The following ALG14 variants were observed in gnomAD, a reference collection of about 807,000 sequenced individuals.
ALG14 encodes ALG14 UDP-N-acetylglucosaminyltransferase subunit.
ALG14 carries 17 observed loss-of-function variants against 22.8 expected under a neutral mutation model. The observed-to-expected ratio is 0.75, with a 90% confidence interval of 0.51 to 1.12. The LOEUF is 1.12. ALG14 is among the 50% of genes most tolerant of loss of function. The pLI is 0.00. For synonymous variants in ALG14, 89 were observed against 103.7 expected (o/e 0.86, Z 0.86); for missense variants, 288 against 271.8 (o/e 1.06, Z -0.42).
intron 1 of ALG14, among the ~76,000 whole-genome samples, chr1:95,068,165 T>C (rs1675439436): frequency 6.6e-6 from 1 of 152,230 alleles, no homozygotes; most frequent in African/African-American, 2.4e-5. Flanking sequence ...CTCCTATTCC[T>C]AGAAATAGCA....
intron 3 of ALG14, among the ~76,000 whole-genome samples, chr1:95,017,435 C>T (rs1673535530): frequency 6.6e-6 from 1 of 152,054 alleles, no homozygotes; most frequent in South Asian, 2.1e-4. Context: ...AGAAGAATTC[C>T]TGCGGTATAA....
intron 3 of ALG14, among the ~76,000 whole-genome samples, chr1:94,989,730 T>C (rs1467519851): frequency 6.6e-6 from 1 of 152,230 alleles, no homozygotes; most frequent in Non-Finnish European, 1.5e-5. Context: ...TCCCACTTTG[T>C]CCCTCTATAT....
chr1:95,038,853 G>A (rs1447096174), intron 2 of ALG14, among the ~76,000 whole-genome samples: 4 of 151,784 alleles, frequency 2.6e-5, no homozygotes, highest in African/African-American at 9.7e-5. Context: ...TGGGTAGCCA[G>A]GACTACAGGC....
intron 2 of ALG14, among the ~76,000 whole-genome samples, chr1:95,049,370 CA>C (rs759741561): frequency 6.6e-6 from 1 of 151,810 alleles, no homozygotes; most frequent in Non-Finnish European, 1.5e-5. Context: ...CCGTCTCTAC[CA>C]AAAATACAAG....
At position 95,026,990 on chromosome 1, in the gene ALG14, G is replaced by C. The variant is rs1413559856; in HGVS notation, c.420+139C>G. 6.5e-6 allele frequency: 7 copies of C among 1,073,706 alleles called. No individual in the cohort carries two copies. In the Admixed American group the frequency reaches 1.7e-4, roughly 27 times the overall value. 66.5% of individuals were successfully genotyped at this position (1,073,706 alleles called of 1,614,324 possible). Reference sequence around the variant, plus strand: ...TGGAGCCTGGGAAGTCCAAGATCAAGGCACCAGCCAGTTCAGGGTCTTGCA... The same window carrying C: ...TGGAGCCTGGGAAGTCCAAGATCAACGCACCAGCCAGTTCAGGGTCTTGCA... On this transcript the variant is annotated intron_variant, in intron 3 of 3. Transcript: ENST00000370205.
rs368855559 is a variant in ALG14 at position 94,982,699 on chromosome 1, C to CAAAAAAAAAAAAAAA, written c.*362_*376dup. On this transcript the variant is annotated 3_prime_UTR_variant, in exon 4 of 4. Coordinates refer to ENST00000370205, the MANE Select transcript of ALG14 (RefSeq NM_144988.4). ...TTCTTTTACAATGCAGAATACTTTA[C>CAAAAAAAAAAAAAAA]AAAAAAAAAAAAAAAAAAAAAAAGC... 13 of 79,450 alleles carry CAAAAAAAAAAAAAAA rather than the reference C, an allele frequency of 1.6e-4. No homozygotes were observed. Among genetic ancestry groups the CAAAAAAAAAAAAAAA allele is most frequent in the Non-Finnish European group, 2.0e-4 (9 of 45,660 alleles). 4.9% of individuals were successfully genotyped at this position (79,450 alleles called of 1,614,324 possible). A position where few individuals can be genotyped will look rare whatever the true frequency, so the allele number is the denominator to read the frequency against.
At position 95,017,861 on chromosome 1, in the gene ALG14, A is replaced by G. The variant is rs141868663; in HGVS notation, c.420+9268T>C. On this transcript the variant is annotated intron_variant, in intron 3 of 3. Coordinates refer to ENST00000370205, the MANE Select transcript of ALG14 (RefSeq NM_144988.4). ...ATGAGGCACTGGAGCTCCAAGGATC[A>G]TATGTCCTGGCAGGAGGTGAGCAGA... Among the ~76,000 whole-genome samples the G allele has an allele frequency of 3.2e-3, 487 of 152,318 alleles. 1 individual carries two copies. Among genetic ancestry groups the G allele is most frequent in the African/African-American group, 0.011 (464 of 41,570 alleles).
rs181785962 is a variant in ALG14, at chr1:95,004,530, C to T, written c.421-21224G>A. ...AGCCACTGTGCCTGGCCCAGAGTCT[C>T]GCTCTATTGCCCAGGCTACAGTGCA... is the stretch of plus-strand genomic sequence containing the variant. On this transcript the variant is annotated intron_variant, in intron 3 of 3. Coordinates refer to ENST00000370205, the MANE Select transcript of ALG14 (RefSeq NM_144988.4). Among the ~76,000 whole-genome samples, 3 of 151,926 alleles carry T rather than the reference C, an allele frequency of 2.0e-5. No individual in the cohort carries two copies. In the East Asian group the frequency reaches 5.8e-4, roughly 29 times the overall value.
intron 3 of ALG14, among the ~76,000 whole-genome samples, chr1:95,012,327 T>C (rs1268836500): frequency 6.6e-6 from 1 of 152,236 alleles, no homozygotes; most frequent in South Asian, 2.1e-4. Flanking sequence ...TAAATATCAT[T>C]TGGATCTTTT....
Position 95,059,416 on chromosome 1 carries a change from A to C in ALG14, c.288+5450T>G, listed in dbSNP as rs887209160. On this transcript the variant is annotated intron_variant, in intron 2 of 3. Transcript: ENST00000370205. ...CTGTCTCAAAAAAAAAAAAAAAAAA[A>C]AAAACATATTATTCTTGTTTATTTG... Among the ~76,000 whole-genome samples the C allele has an allele frequency of 6.8e-5, 10 of 147,310 alleles. No homozygotes were observed. In the East Asian group the frequency reaches 1.4e-3, roughly 21 times the overall value.
intron 3 of ALG14, among the ~76,000 whole-genome samples, chr1:95,005,446 G>C (rs752044303): frequency 6.8e-6 from 1 of 146,736 alleles, no homozygotes; most frequent in African/African-American, 2.8e-5. Flanking sequence ...CAGGCAGTGA[G>C]AGAGAAGAAT....
At chr1:94,994,543 G>T (rs1022909741) in intron 3 of ALG14, among the ~76,000 whole-genome samples, 7 of 152,178 alleles carry the variant, frequency 4.6e-5, no homozygotes, top group Non-Finnish European at 1.0e-4. Context: ...GAATAGCTCT[G>T]AGAGGTAGAT....
chr1:95,016,924 T>C (rs906458810), intron 3 of ALG14, among the ~76,000 whole-genome samples: 3 of 149,016 alleles, frequency 2.0e-5, no homozygotes, highest in Admixed American at 6.7e-5. Flanking sequence ...TCACCAGCCC[T>C]TGCAATTTTG....
chr1:95,019,798 T>C (rs1025084030), intron 3 of ALG14, among the ~76,000 whole-genome samples: 5 of 152,112 alleles, frequency 3.3e-5, no homozygotes, highest in Non-Finnish European at 7.4e-5. Flanking sequence ...CTGACCAACA[T>C]GGAGAAACCC....
chr1:94,988,722 G>A (rs981222406), intron 3 of ALG14, among the ~76,000 whole-genome samples: 1 of 152,218 alleles, frequency 6.6e-6, no homozygotes, highest in African/African-American at 2.4e-5. Flanking sequence ...AGTATTCAGA[G>A]TATTTGGTTC....
chr1:95,062,003 A>C (rs1257362116), intron 2 of ALG14: 1 of 152,118 alleles, frequency 6.6e-6, no homozygotes, highest in African/African-American at 2.4e-5. Context: ...CTAAACACTG[A>C]CTAAAATGCT....
At chr1:95,006,892 T>G (rs1018196601) in intron 3 of ALG14, among the ~76,000 whole-genome samples, 3 of 152,256 alleles carry the variant, frequency 2.0e-5, no homozygotes, top group Non-Finnish European at 4.4e-5. Flanking sequence ...ATAACTCGGT[T>G]TCATATTTCC....
chr1:95,050,097 T>C (rs1286037212), intron 2 of ALG14, among the ~76,000 whole-genome samples: 1 of 152,204 alleles, frequency 6.6e-6, no homozygotes, highest in African/African-American at 2.4e-5. Flanking sequence ...ATGTGGATTT[T>C]GGCTTCTCAC....
chr1:95,046,720 GAATAA>G (rs761877479), intron 2 of ALG14, among the ~76,000 whole-genome samples: 1 of 152,160 alleles, frequency 6.6e-6, no homozygotes, highest in Non-Finnish European at 1.5e-5. Context: ...ATAACTTACA[GAATAA>G]AATAATACTA....
Sources: allele counts gnomAD v4.1 joint callset (sites outside exome capture counted in the v4.1 genomes callset), GRCh38; gene constraint gnomAD v4.1.1; transcripts MANE v1.5; gene names NCBI Gene and HGNC (gene_info 2026-07-23, HGNC 2026-07-21).